The following PDE10A variants were observed in gnomAD, a reference collection of about 807,000 sequenced individuals.
The protein encoded by PDE10A is phosphodiesterase 10A.
A neutral mutation model predicts 97.7 loss-of-function variants in PDE10A; 39 were observed. That is an observed-to-expected ratio of 0.40 (90% CI 0.31 to 0.52). The LOEUF (loss-of-function observed/expected upper bound fraction) is 0.52. Among genes scored for constraint, PDE10A ranks in the 20% least tolerant of loss-of-function variants. The pLI, the probability that PDE10A is intolerant of heterozygous loss-of-function variation, is 0.56. For synonymous variants in PDE10A, 371 were observed against 376.8 expected, an observed-to-expected ratio of 0.98 and a Z score of 0.18; for missense variants, 731 against 1,047.8, an observed-to-expected ratio of 0.70 and a Z score of 4.17.
chr6:165,422,414 CAT>C lies in PDE10A; in HGVS notation c.1654-3639_1654-3638del, dbSNP rs145761781. On this transcript the variant is annotated intron_variant, in intron 10 of 21. Coordinates refer to ENST00000539869, the MANE Select transcript of PDE10A (RefSeq NM_001385079.1). ...ACGCATACACACATACGCATACACA[CAT>C]ATGCATACACACATACGCATACACA... Among the ~76,000 whole-genome samples the C allele has an allele frequency of 2.8e-3, 361 of 129,698 alleles. 6 individuals carry two copies. The highest frequency in any genetic ancestry group is 3.8e-3 in the African/African-American group (140 of 36,446). The allele number at this position is 129,698 out of a possible 152,430, so 85.1% of individuals were successfully genotyped here. A position where few individuals can be genotyped will look rare whatever the true frequency, so the allele number is the denominator to read the frequency against.
intron 3 of PDE10A, among the ~76,000 whole-genome samples, chr6:165,454,802 C>A (rs1397241909): frequency 6.6e-6 from 1 of 152,164 alleles, no homozygotes; most frequent in Admixed American, 6.5e-5. Context: ...ACGGCGCAGA[C>A]TATTGACATA....
intron 1 of PDE10A, among the ~76,000 whole-genome samples, chr6:165,735,818 A>G (rs1382613938): frequency 1.3e-5 from 2 of 152,264 alleles, no homozygotes; most frequent in Non-Finnish European, 1.5e-5. Flanking sequence ...ATATCTGGGC[A>G]TCTGCCCTGG....
intron 1 of PDE10A, among the ~76,000 whole-genome samples, chr6:165,962,317 G>T (rs1784385754): frequency 6.6e-6 from 1 of 152,226 alleles, no homozygotes; most frequent in Non-Finnish European, 1.5e-5. Context: ...GTGACCAGTG[G>T]GTGGGAATGA....
intron 1 of PDE10A, among the ~76,000 whole-genome samples, chr6:165,764,775 A>T (rs1277771812): frequency 6.6e-6 from 1 of 152,186 alleles, no homozygotes; most frequent in Non-Finnish European, 1.5e-5. Flanking sequence ...AGCAAGATTT[A>T]TTGCAAAGCG....
At chr6:165,977,269 C>T (rs930683515) in intron 1 of PDE10A, among the ~76,000 whole-genome samples, 15 of 152,246 alleles carry the variant, frequency 9.9e-5, no homozygotes, top group African/African-American at 3.6e-4. Context: ...GATTCCTTCT[C>T]TTCTTGAGCT....
chr6:165,380,273 A>T (rs1005352341), intron 17 of PDE10A, among the ~76,000 whole-genome samples: 1 of 152,102 alleles, frequency 6.6e-6, no homozygotes, highest in Non-Finnish European at 1.5e-5. Context: ...CTCTAAGTTG[A>T]TTTTCAATTA....
chr6:165,394,690 T>TA (rs1562418346), intron 15 of PDE10A, among the ~76,000 whole-genome samples: 2 of 152,342 alleles, frequency 1.3e-5, no homozygotes, highest in African/African-American at 4.8e-5. Context: ...ACCAACAGTG[T>TA]AAAAGCATTC....
At chr6:165,350,817 T>C (rs1450280543) in intron 18 of PDE10A, among the ~76,000 whole-genome samples, 3 of 152,200 alleles carry the variant, frequency 2.0e-5, no homozygotes, top group African/African-American at 4.8e-5. Context: ...CGCTGGGCAC[T>C]CATTCATCTC....
Position 165,342,770 on chromosome 6 carries a change from C to G in PDE10A, c.2895+621G>C, listed in dbSNP as rs532764043. ...CTCATTTGGATGGGAGAATGATATT[C>G]TACTTACTTACATACAATTCCATCA... On this transcript the variant is annotated intron_variant, in intron 19 of 21. Transcript: ENST00000539869. 7.1e-4 allele frequency among the ~76,000 whole-genome samples: 108 copies of G among 152,276 alleles called. 1 individual carries two copies. Among genetic ancestry groups the G allele is most frequent in the African/African-American group, 2.3e-3 (96 of 41,560 alleles).
intron 1 of PDE10A, among the ~76,000 whole-genome samples, chr6:165,751,592 C>T (rs1003886328): frequency 1.3e-5 from 2 of 152,078 alleles, no homozygotes; most frequent in African/African-American, 2.4e-5. Flanking sequence ...TTTCTGGTCA[C>T]AACCCTGCTG....
intron 1 of PDE10A, among the ~76,000 whole-genome samples, chr6:165,582,504 T>G (rs1167050135): frequency 6.6e-6 from 1 of 151,740 alleles, no homozygotes; most frequent in African/African-American, 2.4e-5. Context: ...CTAAATAAAA[T>G]AAATCTACCT....
At chr6:165,634,423 A>C (rs1161151353) in intron 1 of PDE10A, among the ~76,000 whole-genome samples, 1 of 152,196 alleles carries the variant, frequency 6.6e-6, no homozygotes, top group African/African-American at 2.4e-5. Flanking sequence ...GGTTCCCCTT[A>C]TGTAAAACAA....
At chr6:165,946,506 AAAAAAAAG>A (rs1305168267) in intron 1 of PDE10A, among the ~76,000 whole-genome samples, 2 of 151,852 alleles carry the variant, frequency 1.3e-5, no homozygotes, top group Non-Finnish European at 2.9e-5. Flanking sequence ...AATAAAAAAA[AAAAAAAAG>A]AAAAAGAAAA....
intron 1 of PDE10A, among the ~76,000 whole-genome samples, chr6:165,603,492 T>C (rs1258676347): frequency 6.6e-6 from 1 of 152,248 alleles, no homozygotes; most frequent in Non-Finnish European, 1.5e-5. Flanking sequence ...GAAATAGCTA[T>C]ATAAAAGGCT....
Position 165,332,247 on chromosome 6 carries a change from A to G in PDE10A, c.*778T>C, listed in dbSNP as rs1396260078. The G allele has an allele frequency of 1.3e-5, 2 of 152,224 alleles. No homozygotes were observed. Among genetic ancestry groups the G allele is most frequent in the Non-Finnish European group, 2.9e-5 (2 of 68,038 alleles). 9.4% of individuals were successfully genotyped at this position (152,224 alleles called of 1,614,324 possible). A position where few individuals can be genotyped will look rare whatever the true frequency, so the allele number is the denominator to read the frequency against. Reference sequence around the variant, plus strand: ...AGGGTTCAGTAAAACTGCCAAGACAACAACAAAAACAATTTTAAAAACTGA... The same window carrying G: ...AGGGTTCAGTAAAACTGCCAAGACAGCAACAAAAACAATTTTAAAAACTGA... On this transcript the variant is annotated 3_prime_UTR_variant, in exon 22 of 22. Transcript: ENST00000539869.
chr6:165,626,181 C>A (rs2128412036), intron 1 of PDE10A, among the ~76,000 whole-genome samples: 1 of 152,308 alleles, frequency 6.6e-6, no homozygotes, highest in Non-Finnish European at 1.5e-5. Context: ...ATTCTTAGTT[C>A]TCTCCCTCGC....
At chr6:165,550,223 A>T (rs552176409) in intron 1 of PDE10A, among the ~76,000 whole-genome samples, 1 of 152,200 alleles carries the variant, frequency 6.6e-6, no homozygotes, top group East Asian at 1.9e-4. Flanking sequence ...AAGGGAAAAT[A>T]CACTAAATTT....
chr6:165,504,079 C>A (rs887266598), intron 2 of PDE10A, among the ~76,000 whole-genome samples: 3 of 152,094 alleles, frequency 2.0e-5, no homozygotes, highest in Non-Finnish European at 4.4e-5. Context: ...AAAAGCACTG[C>A]GACTTATGGC....
Position 165,943,266 on chromosome 6 carries a change from GGAAGGAAGGAAA to G in PDE10A, c.-615+44251_-615+44262del, listed in dbSNP as rs1480320899. ...AGGAAGGAAGGAAGGAAGGAAGGAA[GGAAGGAAGGAAA>G]GAAAGAAAGAAAGAAGGAAAGAAAG... On this transcript the variant is annotated intron_variant, in intron 1 of 19. Transcript: ENST00000366882. 5.5e-4 allele frequency among the ~76,000 whole-genome samples: 47 copies of G among 85,558 alleles called. 6 individuals are homozygous for G. Among genetic ancestry groups the G allele is most frequent in the African/African-American group, 1.9e-3 (34 of 17,544 alleles). The allele number at this position is 85,558 out of a possible 152,430, so 56.1% of individuals were successfully genotyped here.
Sources: gnomAD v4.1 joint callset for allele counts (sites outside exome capture counted in the v4.1 genomes callset) on GRCh38, gnomAD v4.1.1 for gene constraint, MANE v1.5 for transcripts, NCBI Gene and HGNC (gene_info 2026-07-23, HGNC 2026-07-21) for gene names.